The following ZNF546 variants were observed in gnomAD, a reference collection of about 807,000 sequenced individuals.
ZNF546 encodes the protein CTC-471F3.6.
In ZNF546, 60 loss-of-function variants were observed where a neutral mutation model predicts 76.2. The observed-to-expected ratio is 0.79, with a 90% CI of 0.64 to 0.98. The LOEUF (loss-of-function observed/expected upper bound fraction) is 0.98. Among genes scored for constraint, ZNF546 ranks in the 50% least tolerant of loss-of-function variants. ZNF546 has a pLI of 0.00. For synonymous variants in ZNF546, 277 were observed against 328.1 expected (o/e 0.84, Z 1.68); for missense variants, 936 against 1,035.6 (o/e 0.90, Z 1.32).
chr19:40,014,867 G>C lies in ZNF546; in HGVS notation c.1597G>C (p.Ala533Pro). The change falls in exon 7 of 7, where the codon GCC (alanine) becomes CCC (proline). Residue 533 changes from alanine to proline, a missense_variant. Transcript: ENST00000347077. ...CTACATATGTAACGAATGTGGAAAAGCCTTTCGTCTTCAAGGAGAACTTAC... is the reference window on the plus strand; with the variant it reads ...CTACATATGTAACGAATGTGGAAAACCCTTTCGTCTTCAAGGAGAACTTAC... Reference protein sequence around the residue: ...KPYICNECGKAFRLQGELTRH... With the variant: ...KPYICNECGKPFRLQGELTRH... 1.2e-6 allele frequency: 2 copies of C among 1,613,618 alleles called. No individual in the cohort carries two copies. The highest frequency in any genetic ancestry group is 1.7e-6 in the Non-Finnish European group (2 of 1,179,852).
intron 3 of ZNF546, among the ~76,000 whole-genome samples, chr19:40,001,211 T>G (rs1971525184): frequency 6.6e-6 from 1 of 152,078 alleles, no homozygotes; most frequent in Admixed American, 6.5e-5. Flanking sequence ...CTGCTCACCT[T>G]CTGCTGTGTG....
chr19:40,010,069 A>G (rs1432967516), intron 6 of ZNF546, among the ~76,000 whole-genome samples: 3 of 152,104 alleles, frequency 2.0e-5, no homozygotes, highest in Non-Finnish European at 4.4e-5. Context: ...TATGATAAAT[A>G]TATGTCTATT....
Position 40,015,408 on chromosome 19 carries a change from G to A in ZNF546, c.2138G>A (p.Arg713Lys), listed in dbSNP as rs774272341. The change falls in exon 7 of 7, where the codon AGA (arginine) becomes AAA (lysine). Residue 713 changes from arginine to lysine, a missense_variant. Coordinates refer to ENST00000347077, the MANE Select transcript of ZNF546 (RefSeq NM_178544.5). Reference protein sequence around the residue: ...ICSYRLTLHQRIHTGELPYEC... With the variant: ...ICSYRLTLHQKIHTGELPYEC... ...AGTTATCGACTTACATTACATCAAAGAATTCACACTGGTGAGCTTCCATAT... is the reference window on the plus strand; with the variant it reads ...AGTTATCGACTTACATTACATCAAAAAATTCACACTGGTGAGCTTCCATAT... 6.2e-7 allele frequency: 1 copy of A among 1,614,170 alleles called. No individual in the cohort carries two copies. Among genetic ancestry groups the A allele is most frequent in the Admixed American group, 1.7e-5 (1 of 60,030 alleles).
chr19:39,999,443 T>A (rs1971497833), intron 3 of ZNF546, among the ~76,000 whole-genome samples: 2 of 152,236 alleles, frequency 1.3e-5, no homozygotes, highest in African/African-American at 2.4e-5. Flanking sequence ...TATTGTATAC[T>A]TCTGGTTATA....
At chr19:40,004,011 CA>C (rs1274197406) in intron 3 of ZNF546, among the ~76,000 whole-genome samples, 12 of 120,036 alleles carry the variant, frequency 1.0e-4, no homozygotes, top group African/African-American at 5.2e-4. Flanking sequence ...GACTCTATCT[CA>C]AAAAAATATA....
rs1196205903 is a variant in ZNF546, at chr19:40,010,626, T to TCCATATATCTTCTTTGG, written c.394+2062_394+2078dup. On this transcript the variant is annotated intron_variant, in intron 6 of 6. Coordinates refer to ENST00000347077, the MANE Select transcript of ZNF546 (RefSeq NM_178544.5). ...GCAACTTTTTATTCTTAATTTATCA[T>TCCATATATCTTCTTTGG]CCATATATCTTCTTTGGTGAAGCAT... 3.3e-5 allele frequency among the ~76,000 whole-genome samples: 5 copies of TCCATATATCTTCTTTGG among 152,320 alleles called. No individual in the cohort carries two copies. In the East Asian group the frequency reaches 9.6e-4, roughly 29 times the overall value.
At position 40,013,750 on chromosome 19, in the gene ZNF546, A is replaced by G; in HGVS notation, c.480A>G (p.Glu160=). The G allele has an allele frequency of 1.2e-6, 2 of 1,612,916 alleles. No individual in the cohort carries two copies. Among genetic ancestry groups the G allele is most frequent in the Non-Finnish European group, 1.7e-6 (2 of 1,179,694 alleles). ...KIYLSQLQTG[E]KSKNTIHEDT... ...ATTTATCTCAATTGCAGACAGGGGA[A>G]AAAAGTAAAAACACCATCCATGAGG... Residue 160 remains glutamate (E), a synonymous_variant, in exon 7 of 7, where the codon GAA becomes GAG. Transcript: ENST00000347077.
chr19:39,998,687 A>G (rs371498092), intron 3 of ZNF546: 57 of 414,960 alleles, frequency 1.4e-4, no homozygotes, highest in African/African-American at 1.0e-3. Flanking sequence ...CCATGAGTTG[A>G]GATTTATTTT....
At chr19:40,001,867 C>T (rs1480012427) in intron 3 of ZNF546, among the ~76,000 whole-genome samples, 1 of 152,128 alleles carries the variant, frequency 6.6e-6, no homozygotes, top group Admixed American at 6.5e-5. Flanking sequence ...ATAATATCCT[C>T]TATTTTAATA....
chr19:40,019,881 A>G lies in ZNF546; in HGVS notation c.*4100A>G, dbSNP rs887783348. 3 of 152,204 alleles carry G rather than the reference A, an allele frequency of 2.0e-5. No homozygotes were observed. The highest frequency in any genetic ancestry group is 6.5e-5 in the Admixed American group (1 of 15,280). The allele number at this position is 152,204 out of a possible 1,614,324, so 9.4% of individuals were successfully genotyped here. Reference sequence around the variant, plus strand: ...AAGTATCTTCAAGATCCATGTTCTCAGTTTTTCTTAGCTTTAAATGGCCAA... The same window carrying G: ...AAGTATCTTCAAGATCCATGTTCTCGGTTTTTCTTAGCTTTAAATGGCCAA... On this transcript the variant is annotated 3_prime_UTR_variant, in exon 7 of 7. Transcript: ENST00000347077.
Position 40,014,803 on chromosome 19 carries a change from T to G in ZNF546, c.1533T>G (p.His511Gln), listed in dbSNP as rs775895021. 6 of 1,611,616 alleles carry G rather than the reference T, an allele frequency of 3.7e-6. No homozygotes were observed. In the South Asian group the frequency reaches 5.5e-5, roughly 15 times the overall value. The part of the protein sequence containing the change: ...ECGKTFSSRY[H>Q]LTQHYRIHTG... ...GAAAAACCTTCAGTAGTCGCTATCA[T>G]CTCACTCAACACTACAGAATTCATA... The change falls in exon 7 of 7, where the codon CAT (histidine) becomes CAG (glutamine). Residue 511 changes from histidine to glutamine, a missense_variant. Transcript: ENST00000347077.
At position 39,998,371 on chromosome 19, in the gene ZNF546, C is replaced by A; in HGVS notation, c.45C>A (p.Leu15=). 6.2e-7 allele frequency: 1 copy of A among 1,614,198 alleles called. No homozygotes were observed. The highest frequency in any genetic ancestry group is 8.5e-7 in the Non-Finnish European group (1 of 1,180,014). Residue 15 remains leucine, a synonymous_variant, in exon 3 of 7, where the codon CTC becomes CTA. Coordinates refer to ENST00000347077, the MANE Select transcript of ZNF546 (RefSeq NM_178544.5). ...PPLHGPPNDF[L]IFQIIPLHSL... is the part of the protein sequence containing the mutation. Reference sequence around the variant, plus strand: ...TTCACGGGCCTCCAAATGACTTTCTCATTTTTCAAATCATTCCTCTGCACT... The same window carrying A: ...TTCACGGGCCTCCAAATGACTTTCTAATTTTTCAAATCATTCCTCTGCACT...
intron 6 of ZNF546, among the ~76,000 whole-genome samples, chr19:40,010,415 A>G (rs562358049): frequency 1.1e-4 from 16 of 152,036 alleles, no homozygotes; most frequent in East Asian, 9.7e-4. Flanking sequence ...AAAAAAAAAA[A>G]AAGAAGAAGA....
chr19:40,013,062 C>T (rs559539850), intron 6 of ZNF546, among the ~76,000 whole-genome samples: 1 of 152,312 alleles, frequency 6.6e-6, no homozygotes, highest in Non-Finnish European at 1.5e-5. Context: ...ATCCACCTGC[C>T]TCAGCCTCCC....
chr19:40,012,207 A>G (rs1313337669), intron 6 of ZNF546, among the ~76,000 whole-genome samples: 3 of 152,238 alleles, frequency 2.0e-5, no homozygotes, highest in African/African-American at 2.4e-5. Flanking sequence ...GTAGCCACAC[A>G]CACAGGGCAA....
At position 40,014,405 on chromosome 19, in the gene ZNF546, C is replaced by T. The variant is rs916796046; in HGVS notation, c.1135C>T (p.His379Tyr). 6.2e-7 allele frequency: 1 copy of T among 1,613,950 alleles called. No homozygotes were observed. The highest frequency in any genetic ancestry group is 8.5e-7 in the Non-Finnish European group (1 of 1,180,016). The change falls in exon 7 of 7, where the codon CAT becomes TAT. Residue 379 changes from histidine (H) to tyrosine (Y), a missense_variant. Coordinates refer to ENST00000347077, the MANE Select transcript of ZNF546 (RefSeq NM_178544.5). Reference protein sequence around the residue: ...QRHISQHQKIHTGVKPYKCNE... With the variant: ...QRHISQHQKIYTGVKPYKCNE... The stretch of plus-strand genomic sequence containing the variant: ...ACATATTAGTCAACATCAGAAAATT[C>T]ATACTGGTGTCAAACCCTATAAATG...
intron 4 of ZNF546, among the ~76,000 whole-genome samples, chr19:40,006,820 T>C (rs1971608553): frequency 6.6e-6 from 1 of 152,236 alleles, no homozygotes; most frequent in African/African-American, 2.4e-5. Flanking sequence ...GATGATATTA[T>C]TAGCTAGCCA....
Position 39,998,351 on chromosome 19 carries a change from G to A in ZNF546, c.25G>A (p.Gly9Arg), listed in dbSNP as rs774591242. 18 of 1,614,074 alleles carry A rather than the reference G, an allele frequency of 1.1e-5. No homozygotes were observed. In the South Asian group the frequency reaches 1.4e-4, roughly 13 times the overall value. The change falls in exon 3 of 7, where the codon GGG (glycine) becomes AGG (arginine). Residue 9 changes from glycine to arginine, a missense_variant. Gly to Arg is a moderately radical substitution (Grantham distance 125). Coordinates refer to ENST00000347077, the MANE Select transcript of ZNF546 (RefSeq NM_178544.5). Reference protein sequence around the residue: MQVDPPLHGPPNDFLIFQI... With the variant: MQVDPPLHRPPNDFLIFQI... ...CATGCAGGTGGACCCTCCTCTTCACGGGCCTCCAAATGACTTTCTCATTTT... is the reference window on the plus strand; with the variant it reads ...CATGCAGGTGGACCCTCCTCTTCACAGGCCTCCAAATGACTTTCTCATTTT...
At chr19:40,009,059 G>C (rs1158007288) in intron 6 of ZNF546, among the ~76,000 whole-genome samples, 1 of 152,176 alleles carries the variant, frequency 6.6e-6, no homozygotes, top group East Asian at 1.9e-4. Flanking sequence ...GTTTTCATAT[G>C]TGTTGTGAAG....
Sources: gnomAD v4.1 joint callset for allele counts (sites outside exome capture counted in the v4.1 genomes callset) on GRCh38, gnomAD v4.1.1 for gene constraint, MANE v1.5 for transcripts, NCBI Gene and HGNC (gene_info 2026-07-23, HGNC 2026-07-21) for gene names.